Variants in DNAJC13 observed in about 807,000 individuals in gnomAD.
DNAJC13 encodes DnaJ heat shock protein family (Hsp40) member C13.
A neutral mutation model predicts 290.5 loss-of-function variants in DNAJC13; 75 were observed. The observed-to-expected ratio is 0.26, with a 90% CI of 0.21 to 0.31. The LOEUF (loss-of-function observed/expected upper bound fraction) is 0.31. Among genes scored for constraint, DNAJC13 ranks in the 10% least tolerant of loss-of-function variants. The pLI, the probability that DNAJC13 is intolerant of heterozygous loss-of-function variation, is 1.00. For synonymous variants in DNAJC13, 862 were observed against 892.0 expected (o/e 0.97, Z 0.60); for missense variants, 2,260 against 2,674.5 (o/e 0.85, Z 3.42).
chr3:132,453,315 G>A lies in DNAJC13; in HGVS notation c.555G>A (p.Glu185=), dbSNP rs1418898536. The change falls in exon 7 of 56, where the codon GAG becomes GAA. Residue 185 remains glutamate (E), a synonymous_variant. Transcript: ENST00000260818. ...TTGTGCAGCATTTATTTGCGTCAGA[G>A]CAAAGAGAAGAGATTATTAAAAGTG... ...GFSRLHLFAS[E]QREEIIKSAI... is the part of the protein sequence containing the mutation. 6.2e-7 allele frequency: 1 copy of A among 1,613,344 alleles called. No homozygotes were observed. Among genetic ancestry groups the A allele is most frequent in the African/African-American group, 1.3e-5 (1 of 74,990 alleles).
chr3:132,522,904 A>G lies in DNAJC13; in HGVS notation c.5750A>G (p.His1917Arg), dbSNP rs1174917264. 8 of 1,613,612 alleles carry G rather than the reference A, an allele frequency of 5.0e-6. No homozygotes were observed. The highest frequency in any genetic ancestry group is 1.7e-5 in the Admixed American group (1 of 59,978). Residue 1917 changes from histidine to arginine, a missense_variant, in exon 49 of 56, where the codon CAT (histidine) becomes CGT (arginine). By Grantham distance (29) the His-to-Arg change is conservative. Transcript: ENST00000260818. ...AGAGACAATCCTGAAGCTGCTGTACATATTTTTGAAGGAACTCATGAAAAT... is the reference window on the plus strand; with the variant it reads ...AGAGACAATCCTGAAGCTGCTGTACGTATTTTTGAAGGAACTCATGAAAAT... The part of the protein sequence containing the change: ...AMRDNPEAAV[H>R]IFEGTHENPE...
intron 1 of DNAJC13, among the ~76,000 whole-genome samples, chr3:132,431,577 C>G (rs905777946): frequency 6.6e-6 from 1 of 151,808 alleles, no homozygotes; most frequent in Non-Finnish European, 1.5e-5. Context: ...ACAAGCAGGA[C>G]GAATGAAGAC....
In DNAJC13 at chr3:132,459,327, G is replaced by C. The variant is rs187231275; in HGVS notation, c.1450-923G>C. On this transcript the variant is annotated intron_variant, in intron 13 of 55. Transcript: ENST00000260818. ...CCTTGAGAACATGATGCTAGTGAAA[G>C]AAGTCAGTCACAAAAGGATAAATAT... Among the ~76,000 whole-genome samples the C allele has an allele frequency of 4.9e-3, 748 of 152,312 alleles. 4 individuals are homozygous for C. The highest frequency in any genetic ancestry group is 8.4e-3 in the Admixed American group (129 of 15,298).
rs370805026 is a variant in DNAJC13 at position 132,478,119 on chromosome 3, T to C, written c.2688T>C (p.Tyr896=). The C allele has an allele frequency of 6.2e-7, 1 of 1,611,094 alleles. No individual in the cohort carries two copies. The highest frequency in any genetic ancestry group is 1.3e-5 in the African/African-American group (1 of 74,842). The change falls in exon 24 of 56, where the codon TAT becomes TAC. Residue 896 remains tyrosine (Y), a synonymous_variant. Coordinates refer to ENST00000260818, the MANE Select transcript of DNAJC13 (RefSeq NM_015268.4). ...EEIGPFTDTR[Y]IIGMLERCTD... is the part of the protein sequence containing the mutation. Reference sequence around the variant, plus strand: ...TAGGACCTTTTACAGATACCAGATATATCATTGGAATGTTAGAGAGGGTAA... The same window carrying C: ...TAGGACCTTTTACAGATACCAGATACATCATTGGAATGTTAGAGAGGGTAA...
At position 132,483,486 on chromosome 3, in the gene DNAJC13, T is replaced by A. The variant is rs1934749761; in HGVS notation, c.3091T>A (p.Leu1031Ile). 1 of 1,614,032 alleles carries A rather than the reference T, an allele frequency of 6.2e-7. No homozygotes were observed. The highest frequency in any genetic ancestry group is 8.5e-7 in the Non-Finnish European group (1 of 1,179,990). ...CATACCCCAGCTTAAGTGGTGTCTCTTAGCCAGTGGACAGGCTGTCCTGAA... is the reference window on the plus strand; with the variant it reads ...CATACCCCAGCTTAAGTGGTGTCTCATAGCCAGTGGACAGGCTGTCCTGAA... ...QSIPQLKWCL[L>I]ASGQAVLNET... The change falls in exon 28 of 56, where the codon TTA becomes ATA. Residue 1031 changes from leucine (L) to isoleucine (I), a missense_variant. Leu to Ile is a conservative substitution (Grantham distance 5). Transcript: ENST00000260818.
chr3:132,436,751 T>C (rs761005777), intron 2 of DNAJC13, among the ~76,000 whole-genome samples: 1 of 152,230 alleles, frequency 6.6e-6, no homozygotes, highest in Admixed American at 6.5e-5. Context: ...GTAGTTTTGA[T>C]TTCATTTCCC....
chr3:132,532,770 C>T (rs1936455476), intron 55 of DNAJC13, among the ~76,000 whole-genome samples: 1 of 151,698 alleles, frequency 6.6e-6, no homozygotes, highest in African/African-American at 2.4e-5. Flanking sequence ...GACAGTCTTG[C>T]TCTCTCACCC....
chr3:132,485,579 G>A lies in DNAJC13; in HGVS notation c.3267+907G>A, dbSNP rs184237948. On this transcript the variant is annotated intron_variant, in intron 29 of 55. Transcript: ENST00000260818. ...ATCACACCACTTTAATATCTGAAAA[G>A]TGATTTATTCCAGTTTGTGGTGTAT... Among the ~76,000 whole-genome samples, 432 of 152,320 alleles carry A rather than the reference G, an allele frequency of 2.8e-3. 2 individuals carry two copies. Among genetic ancestry groups the A allele is most frequent in the African/African-American group, 0.01 (417 of 41,576 alleles).
Position 132,494,197 on chromosome 3 carries a change from G to A in DNAJC13, c.3879G>A (p.Lys1293=). The A allele has an allele frequency of 6.2e-7, 1 of 1,613,000 alleles. No homozygotes were observed. Among genetic ancestry groups the A allele is most frequent in the Non-Finnish European group, 8.5e-7 (1 of 1,179,524 alleles). The change falls in exon 34 of 56, where the codon AAG becomes AAA. Residue 1293 remains lysine (K), a synonymous_variant. Coordinates refer to ENST00000260818, the MANE Select transcript of DNAJC13 (RefSeq NM_015268.4). ...CCTGGAAGAAAGAAGTAGAAAAGAA[G>A]CCACCTATGATGTCAATAGATGATG... ...LDAWKKEVEK[K]PPMMSIDDAY...
At chr3:132,434,009 C>G (rs1157294936) in intron 1 of DNAJC13, among the ~76,000 whole-genome samples, 2 of 152,118 alleles carry the variant, frequency 1.3e-5, no homozygotes, top group Non-Finnish European at 2.9e-5. Flanking sequence ...GTCAGGAGAT[C>G]GAGACCATCC....
At chr3:132,518,034 ATTAG>A (rs1280969421) in intron 48 of DNAJC13, among the ~76,000 whole-genome samples, 10 of 152,196 alleles carry the variant, frequency 6.6e-5, no homozygotes, top group Admixed American at 3.9e-4. Flanking sequence ...AATATCTAAT[ATTAG>A]TTATTTTTTC....
intron 45 of DNAJC13, 82 bp downstream of exon 45, chr3:132,513,181 A>T: frequency 1.7e-6 from 2 of 1,200,496 alleles, no homozygotes; most frequent in South Asian, 2.5e-5. Flanking sequence ...TCATTGTCTG[A>T]AGTTGAAGTG....
At chr3:132,516,578 C>G (rs777337137) in intron 47 of DNAJC13, 82 bp downstream of exon 47, 84 of 1,540,364 alleles carry the variant, frequency 5.5e-5, no homozygotes, top group Non-Finnish European at 7.1e-5. Context: ...GCCTGATAAA[C>G]TAGAAGAATG....
At chr3:132,454,314 AT>A (rs71622093) in intron 9 of DNAJC13, among the ~76,000 whole-genome samples, 157 bp downstream of exon 9, 278 of 86,122 alleles carry the variant, frequency 3.2e-3, no homozygotes, top group African/African-American at 6.9e-3. Flanking sequence ...CCCATTTTCA[AT>A]TTTTTTTTTT....
In DNAJC13 at chr3:132,456,397, T is replaced by A. The variant is rs1933599066; in HGVS notation, c.1095T>A (p.Pro365=). The change falls in exon 10 of 56, where the codon CCT becomes CCA. Residue 365 remains proline, a synonymous_variant. Coordinates refer to ENST00000260818, the MANE Select transcript of DNAJC13 (RefSeq NM_015268.4). ...TTCACCTCAGGTTCTTAGCTACGCC[T>A]CCAAGTAAGTATTGATTTAAATGTA... ...ESLHLRFLAT[P]PNGNFADAVF... 1 of 1,612,368 alleles carries A rather than the reference T, an allele frequency of 6.2e-7. No homozygotes were observed. Among genetic ancestry groups the A allele is most frequent in the African/African-American group, 1.3e-5 (1 of 74,752 alleles).
At chr3:132,525,860 G>A in intron 52 of DNAJC13, 71 bp downstream of exon 52, 2 of 1,492,454 alleles carry the variant, frequency 1.3e-6, no homozygotes, top group Non-Finnish European at 1.8e-6. Context: ...ACGGATATAA[G>A]TTGTAGTATT....
chr3:132,494,078 A>T (rs1418210600), intron 33 of DNAJC13, 66 bp from the exon 34 acceptor site: 5 of 1,097,380 alleles, frequency 4.6e-6, no homozygotes, highest in Non-Finnish European at 6.6e-6. Flanking sequence ...CAATAATTCT[A>T]TAACTTAAAA....
rs754524185 is a variant in DNAJC13 at position 132,513,017 on chromosome 3, G to A, written c.5303G>A (p.Ser1768Asn). ...TATTCTTATTCTCTAGGTTCTGAGAGTGAATGCATTGGGCACTTTAAGTTG... is the reference window on the plus strand; with the variant it reads ...TATTCTTATTCTCTAGGTTCTGAGAATGAATGCATTGGGCACTTTAAGTTG... ...NVIKYNPGSE[S>N]ECIGHFKLIF... Residue 1768 changes from serine (S) to asparagine (N), a missense_variant, in exon 45 of 56, where the codon AGT becomes AAT. Ser to Asn is a conservative substitution (Grantham distance 46). Coordinates refer to ENST00000260818, the MANE Select transcript of DNAJC13 (RefSeq NM_015268.4). 7 of 1,612,702 alleles carry A rather than the reference G, an allele frequency of 4.3e-6. No homozygotes were observed. Among genetic ancestry groups the A allele is most frequent in the Non-Finnish European group, 5.9e-6 (7 of 1,178,868 alleles).
chr3:132,449,202 A>G (rs1325240495), intron 5 of DNAJC13, among the ~76,000 whole-genome samples: 1 of 152,096 alleles, frequency 6.6e-6, no homozygotes, highest in African/African-American at 2.4e-5. Context: ...CTTCTTGCCT[A>G]AGTTGAATTT....
Sources: gnomAD v4.1 joint callset for allele counts (sites outside exome capture counted in the v4.1 genomes callset) on GRCh38, gnomAD v4.1.1 for gene constraint, MANE v1.5 for transcripts, NCBI Gene and HGNC (gene_info 2026-07-23, HGNC 2026-07-21) for gene names.